Variants in ADGRE5 observed in about 807,000 individuals in gnomAD.
ADGRE5 encodes the protein CD97 molecule.
ADGRE5 carries 72 observed loss-of-function variants against 100.3 expected under a neutral mutation model. The ratio of observed to expected loss-of-function variants is 0.72; its 90% CI spans 0.59 to 0.87. The LOEUF (loss-of-function observed/expected upper bound fraction) is 0.87. Among genes scored for constraint, ADGRE5 ranks in the 40% least tolerant of loss-of-function variants. The pLI, the probability that ADGRE5 is intolerant of heterozygous loss-of-function variation, is 0.00. For missense variants in ADGRE5, 959 were observed against 1,094.7 expected, an observed-to-expected ratio of 0.88 and a Z score of 1.75; for synonymous variants, 439 against 447.8, an observed-to-expected ratio of 0.98 and a Z score of 0.25.
At chr19:14,390,880 A>T (rs376485958) in intron 3 of ADGRE5, 44 bp from the exon 4 acceptor site, 60 of 1,604,714 alleles carry the variant, frequency 3.7e-5, no homozygotes, top group Non-Finnish European at 4.9e-5. Context: ...CCCTGACAGA[A>T]CTCACATCTT....
intron 1 of ADGRE5, among the ~76,000 whole-genome samples, chr19:14,383,377 C>T (rs868769190): frequency 1.3e-5 from 2 of 151,630 alleles, no homozygotes; most frequent in African/African-American, 2.4e-5. Flanking sequence ...TGGTGGCGGG[C>T]GCCTGTAATC....
intron 4 of ADGRE5, among the ~76,000 whole-genome samples, chr19:14,393,864 G>A (rs1409683056): frequency 1.3e-5 from 2 of 152,182 alleles, no homozygotes; most frequent in African/African-American, 4.8e-5. Context: ...AGAGGAGACA[G>A]AGTCTTCATG....
At chr19:14,383,905 A>C (rs1975245109) in intron 1 of ADGRE5, among the ~76,000 whole-genome samples, 1 of 151,958 alleles carries the variant, frequency 6.6e-6, no homozygotes, top group Admixed American at 6.6e-5. Flanking sequence ...TCTTCTGTTT[A>C]TTGGATTCCT....
Position 14,392,692 on chromosome 19 carries a change from C to G in ADGRE5, c.346+1613C>G, listed in dbSNP as rs146182200. Among the ~76,000 whole-genome samples, 283 of 151,470 alleles carry G rather than the reference C, an allele frequency of 1.9e-3. 1 individual carries two copies. Among genetic ancestry groups the G allele is most frequent in the African/African-American group, 6.0e-3 (249 of 41,270 alleles). ...CCGAGGCAGGTGGATCATCTGAGGT[C>G]AGGAGTTCAAGACCAGCCTGGCCAA... On this transcript the variant is annotated intron_variant, in intron 4 of 19. Transcript: ENST00000242786.
chr19:14,406,310 C>G lies in ADGRE5; in HGVS notation c.1822-21C>G, dbSNP rs773158788. ...CCTCCCCGCGCTGACGTCGCTCCGCCCCTCCGTCCCCGCCCCGCAGGTGGG... is the reference window on the plus strand; with the variant it reads ...CCTCCCCGCGCTGACGTCGCTCCGCGCCTCCGTCCCCGCCCCGCAGGTGGG... On this transcript the variant is annotated intron_variant, in intron 14 of 19. Transcript: ENST00000242786. This position sits in a 1 kb window ranked among gnomAD's most constrained non-coding sequence, Gnocchi z 6.0. 6.5e-7 allele frequency: 1 copy of G among 1,530,092 alleles called. No homozygotes were observed. Among genetic ancestry groups the G allele is most frequent in the East Asian group, 2.4e-5 (1 of 41,096 alleles). 94.8% of individuals were successfully genotyped at this position (1,530,092 alleles called of 1,614,324 possible).
intron 3 of ADGRE5, 149 bp downstream of exon 3, chr19:14,388,967 T>C (rs1975461344): frequency 3.6e-6 from 3 of 828,506 alleles, no homozygotes; most frequent in Non-Finnish European, 6.0e-6. Flanking sequence ...GCAGGCGTGG[T>C]GGCTCACGCC....
rs764605166 is a variant in ADGRE5 at position 14,399,563 on chromosome 19, CAAAAAAAAAAAAA to C, written c.897+1443_897+1455del. Among the ~76,000 whole-genome samples the C allele has an allele frequency of 6.7e-3, 212 of 31,856 alleles. 3 individuals carry two copies. The highest frequency in any genetic ancestry group is 0.02 in the African/African-American group (199 of 10,198). 20.9% of individuals were successfully genotyped at this position (31,856 alleles called of 152,430 possible). The stretch of plus-strand genomic sequence containing the variant: ...TGGGCGACAGAGCGAGACTCCGTCT[CAAAAAAAAAAAAA>C]AAAAAAAAAAAAAAAAAATTAGCTG... On this transcript the variant is annotated intron_variant, in intron 9 of 19. Coordinates refer to ENST00000242786, the MANE Select transcript of ADGRE5 (RefSeq NM_078481.4).
intron 1 of ADGRE5, among the ~76,000 whole-genome samples, chr19:14,387,202 G>A (rs1219795125): frequency 6.6e-6 from 1 of 152,012 alleles, no homozygotes. Flanking sequence ...GATTTGAACT[G>A]GGGATGCCTG....
chr19:14,405,426 G>A (rs1976186336), intron 13 of ADGRE5: 2 of 298,266 alleles, frequency 6.7e-6, no homozygotes, highest in Non-Finnish European at 1.2e-5. Flanking sequence ...TTAGAGGCAT[G>A]AGCCACCACA....
At chr19:14,383,174 G>C (rs1327042274) in intron 1 of ADGRE5, among the ~76,000 whole-genome samples, 1 of 152,092 alleles carries the variant, frequency 6.6e-6, no homozygotes, top group Non-Finnish European at 1.5e-5. Flanking sequence ...CTGCACTCCA[G>C]CCTGGGTGAC....
At chr19:14,394,162 G>A (rs1005832226) in intron 4 of ADGRE5, among the ~76,000 whole-genome samples, 2 of 152,170 alleles carry the variant, frequency 1.3e-5, no homozygotes, top group Non-Finnish European at 2.9e-5. Context: ...AGGCAGCTGG[G>A]CAGAGACATG....
chr19:14,396,562 G>A, intron 5 of ADGRE5, 89 bp downstream of exon 5: 5 of 1,564,488 alleles, frequency 3.2e-6, no homozygotes, highest in Non-Finnish European at 4.3e-6. Context: ...GGAGGAGGGG[G>A]AAGATCCGCA....
At chr19:14,408,034 T>G (rs200330014) in intron 19 of ADGRE5, 25 bp downstream of exon 19, 1 of 1,613,818 alleles carries the variant, frequency 6.2e-7, no homozygotes, top group South Asian at 1.1e-5. Flanking sequence ...CTGGGGCGGG[T>G]GTGGGCAGGA....
rs753979664 is a variant in ADGRE5, at chr19:14,404,440, G to A, written c.1507G>A (p.Asp503Asn). The A allele has an allele frequency of 9.2e-5, 149 of 1,612,076 alleles. No homozygotes were observed. The highest frequency in any genetic ancestry group is 7.4e-4 in the East Asian group (33 of 44,814). ...CTGTGCCTTCTGGAAGAGTGACAGCGACAGGGGAGGGCACTGGGCCACCGA... is the reference window on the plus strand; with the variant it reads ...CTGTGCCTTCTGGAAGAGTGACAGCAACAGGGGAGGGCACTGGGCCACCGA... ...LLCAFWKSDSDRGGHWATEGC... is the reference protein window; with the variant it reads ...LLCAFWKSDSNRGGHWATEGC... The change falls in exon 13 of 20, where the codon GAC becomes AAC. Residue 503 changes from aspartate (D) to asparagine (N), a missense_variant. Around this residue, in one of 6 missense-constraint regions of ADGRE5, gnomAD observed 19 missense variants for 46.8 expected, o/e 0.41. Coordinates refer to ENST00000242786, the MANE Select transcript of ADGRE5 (RefSeq NM_078481.4).
At chr19:14,398,683 A>G (rs1316099945) in intron 9 of ADGRE5, among the ~76,000 whole-genome samples, 1 of 150,142 alleles carries the variant, frequency 6.7e-6, no homozygotes, top group Non-Finnish European at 1.5e-5. Flanking sequence ...TCAAAAAAAA[A>G]AAAAAAAAAA....
chr19:14,401,114 C>T lies in ADGRE5; in HGVS notation c.898-272C>T, dbSNP rs916495296. On this transcript the variant is annotated intron_variant, in intron 9 of 19. Coordinates refer to ENST00000242786, the MANE Select transcript of ADGRE5 (RefSeq NM_078481.4). This position sits in a 1 kb window ranked among gnomAD's most constrained non-coding sequence, Gnocchi z 4.1. ...TCAAGCCTGGGCAACAGACTGAGACCCTGTCTCAAAAAAAGAAAGAAAAAA... is the reference window on the plus strand; with the variant it reads ...TCAAGCCTGGGCAACAGACTGAGACTCTGTCTCAAAAAAAGAAAGAAAAAA... 6.6e-6 allele frequency among the ~76,000 whole-genome samples: 1 copy of T among 152,048 alleles called. No individual in the cohort carries two copies. Among genetic ancestry groups the T allele is most frequent in the African/African-American group, 2.4e-5 (1 of 41,376 alleles).
Position 14,397,176 on chromosome 19 carries a change from A to G in ADGRE5, c.578A>G (p.Gln193Arg). 1.2e-6 allele frequency: 2 copies of G among 1,614,100 alleles called. No individual in the cohort carries two copies. The highest frequency in any genetic ancestry group is 1.3e-5 in the African/African-American group (1 of 75,024). The change falls in exon 6 of 20, where the codon CAA becomes CGA. Residue 193 changes from glutamine (Q) to arginine (R), a missense_variant. By Grantham distance (43) the Gln-to-Arg change is conservative (BLOSUM62 1). Transcript: ENST00000242786. ...CAGTGCCGCTGCCGCCCGGGCTGGC[A>G]ACCGATTCCGGGGTCCCCCAATGGC... Reference protein sequence around the residue: ...SYQCRCRPGWQPIPGSPNGPN... With the variant: ...SYQCRCRPGWRPIPGSPNGPN...
rs376379956 is a variant in ADGRE5 at position 14,393,412 on chromosome 19, G to A, written c.346+2333G>A. 2.6e-4 allele frequency among the ~76,000 whole-genome samples: 40 copies of A among 152,328 alleles called. No homozygotes were observed. In the East Asian group the frequency reaches 5.6e-3, roughly 21 times the overall value. On this transcript the variant is annotated intron_variant, in intron 4 of 19. Transcript: ENST00000242786. ...CTTGCTTGAGGCCACAGCTCAGGCCGGGAGAAACTGGGACTCCAGGCTTTG... is the reference window on the plus strand; with the variant it reads ...CTTGCTTGAGGCCACAGCTCAGGCCAGGAGAAACTGGGACTCCAGGCTTTG...
chr19:14,391,964 G>T (rs1353240014), intron 4 of ADGRE5, among the ~76,000 whole-genome samples: 1 of 151,436 alleles, frequency 6.6e-6, no homozygotes, highest in East Asian at 2.0e-4. Context: ...AGACATGGTG[G>T]CACGCGCCTG....
Sources: gnomAD v4.1 joint callset for allele counts (sites outside exome capture counted in the v4.1 genomes callset) on GRCh38, gnomAD v4.1.1 for gene constraint, gnomAD v4.1.1 regional missense constraint, Gnocchi (gnomAD v3.1) non-coding constraint, MANE v1.5 for transcripts, NCBI Gene and HGNC (gene_info 2026-07-23, HGNC 2026-07-21) for gene names.